The following CTNNA3 variants were observed in gnomAD, a reference collection of about 807,000 sequenced individuals.
The protein encoded by CTNNA3 is catenin alpha 3, also known as catenin alpha-3.
Under a neutral mutation model 95.7 loss-of-function variants are expected in CTNNA3, and 76 were observed. The ratio of observed to expected loss-of-function variants is 0.79; its 90% CI spans 0.66 to 0.96. The LOEUF is 0.96. CTNNA3 is among the 40% of genes least tolerant of loss of function. The pLI is 0.00. For synonymous variants in CTNNA3, 431 were observed against 374.4 expected (o/e 1.15, Z -1.74); for missense variants, 1,191 against 1,089.8 (o/e 1.09, Z -1.31).
intron 1 of CTNNA3, among the ~76,000 whole-genome samples, chr10:67,701,784 T>A (rs1208308520): frequency 4.0e-5 from 6 of 151,478 alleles, no homozygotes; most frequent in Non-Finnish European, 1.5e-5. Context: ...AATATTAACT[T>A]TAAATGTAAA....
rs938508040 is a variant in CTNNA3 at position 67,714,984 on chromosome 10, T to C, written c.-2+48450A>G. Among the ~76,000 whole-genome samples, 15 of 152,322 alleles carry C rather than the reference T, an allele frequency of 9.8e-5. No individual in the cohort carries two copies. In the East Asian group the frequency reaches 2.1e-3, roughly 22 times the overall value. ...CTGGAAGTACAATAAACCTTTCTTT[T>C]GTAAATTGCCCAGTTTCTGGTATGT... On this transcript the variant is annotated intron_variant, in intron 1 of 17. Coordinates refer to the CTNNA3 transcript ENST00000684154.
chr10:66,137,175 CT>C (rs993039352), intron 13 of CTNNA3, among the ~76,000 whole-genome samples: 46 of 151,992 alleles, frequency 3.0e-4, no homozygotes, highest in African/African-American at 8.7e-4. Context: ...CTTCTTGAGA[CT>C]TTTTTTTAGC....
chr10:67,107,669 C>T (rs955415268), intron 7 of CTNNA3, among the ~76,000 whole-genome samples: 4 of 151,804 alleles, frequency 2.6e-5, no homozygotes, highest in African/African-American at 9.7e-5. Flanking sequence ...CTACATTTTA[C>T]AAACAAACAA....
At chr10:67,327,345 C>T (rs1395812036) in intron 5 of CTNNA3, among the ~76,000 whole-genome samples, 2 of 152,210 alleles carry the variant, frequency 1.3e-5, no homozygotes, top group Non-Finnish European at 2.9e-5. Flanking sequence ...TCCTTCTCAT[C>T]TTTGTGGACT....
At chr10:67,490,438 T>C (rs756705462) in intron 5 of CTNNA3, among the ~76,000 whole-genome samples, 17 of 152,180 alleles carry the variant, frequency 1.1e-4, no homozygotes, top group Non-Finnish European at 2.2e-4. Context: ...AGAAAACCTA[T>C]GCTGTCAGCA....
intron 9 of CTNNA3, among the ~76,000 whole-genome samples, chr10:66,655,137 C>T (rs1437883996): frequency 6.6e-6 from 1 of 152,026 alleles, no homozygotes; most frequent in Non-Finnish European, 1.5e-5. Context: ...TGTTAATTAT[C>T]TGGATTCAGC....
intron 9 of CTNNA3, among the ~76,000 whole-genome samples, chr10:66,731,499 G>T (rs147946808): frequency 6.6e-6 from 1 of 151,850 alleles, no homozygotes; most frequent in East Asian, 1.9e-4. Flanking sequence ...ACTCTGGCAC[G>T]TAAGTCTCTC....
At chr10:67,538,998 T>A (rs956781644) in intron 4 of CTNNA3, among the ~76,000 whole-genome samples, 1 of 152,216 alleles carries the variant, frequency 6.6e-6, no homozygotes, top group African/African-American at 2.4e-5. Context: ...TCATATTAAA[T>A]ACATGTCTAC....
intron 5 of CTNNA3, among the ~76,000 whole-genome samples, chr10:67,302,537 T>C (rs1840370646): frequency 6.6e-6 from 1 of 152,182 alleles, no homozygotes; most frequent in South Asian, 2.1e-4. Flanking sequence ...ACAATAAATA[T>C]AAACAATTGT....
In CTNNA3 at chr10:65,920,544, G is replaced by T. The variant is rs1414254414; in HGVS notation, c.2474C>A (p.Ser825Tyr). The T allele has an allele frequency of 6.2e-7, 1 of 1,614,028 alleles. No homozygotes were observed. The highest frequency in any genetic ancestry group is 1.7e-5 in the Admixed American group (1 of 59,994). ...GATGATCTTGGTTGAGGCAATGTAA[G>T]ACATTTTCACTGTTTGCACTACAGC... ...MNAVVQTVKM[S>Y]YIASTKIIRI... The change falls in exon 18 of 18, where the codon TCT becomes TAT. Residue 825 changes from serine (S) to tyrosine (Y), a missense_variant. Physicochemically the swap from Ser to Tyr is moderately radical, Grantham distance 144. Transcript: ENST00000433211.
At chr10:66,794,905 TGA>T (rs1011141956) in intron 7 of CTNNA3, among the ~76,000 whole-genome samples, 17 of 152,106 alleles carry the variant, frequency 1.1e-4, no homozygotes, top group Non-Finnish European at 5.9e-5. Flanking sequence ...TGTTCATTCA[TGA>T]GAAGCAACTC....
intron 13 of CTNNA3, among the ~76,000 whole-genome samples, chr10:66,157,833 T>C (rs1403999875): frequency 6.6e-6 from 1 of 151,994 alleles, no homozygotes; most frequent in African/African-American, 2.4e-5. Context: ...CAACATCTAC[T>C]GTTTTTTTTA....
At chr10:67,322,753 T>A (rs1841379235) in intron 5 of CTNNA3, among the ~76,000 whole-genome samples, 1 of 152,222 alleles carries the variant, frequency 6.6e-6, no homozygotes, top group Admixed American at 6.5e-5. Context: ...TTTGAATTGC[T>A]GGATCAAATG....
chr10:66,063,669 A>T (rs533681569), intron 15 of CTNNA3, among the ~76,000 whole-genome samples: 18 of 152,026 alleles, frequency 1.2e-4, no homozygotes, highest in Non-Finnish European at 2.2e-4. Flanking sequence ...GGTATGATTT[A>T]TAATGCTATT....
At chr10:66,664,397 G>A (rs992528639) in intron 9 of CTNNA3, among the ~76,000 whole-genome samples, 6 of 151,998 alleles carry the variant, frequency 3.9e-5, no homozygotes, top group Non-Finnish European at 7.4e-5. Context: ...TTTAGGAAAC[G>A]TTTGGAGCTC....
intron 13 of CTNNA3, among the ~76,000 whole-genome samples, chr10:66,172,287 T>C (rs1184272925): frequency 2.0e-5 from 3 of 152,150 alleles, no homozygotes; most frequent in African/African-American, 7.2e-5. Flanking sequence ...ATTTATGTAA[T>C]GATCTTTTCA....
At chr10:67,640,166 C>G (rs1839478242) in intron 2 of CTNNA3, among the ~76,000 whole-genome samples, 1 of 152,174 alleles carries the variant, frequency 6.6e-6, no homozygotes, top group Non-Finnish European at 1.5e-5. Context: ...TCTCAGGATA[C>G]AAAATCAATG....
chr10:66,539,069 T>A (rs1044554147), intron 10 of CTNNA3, among the ~76,000 whole-genome samples: 3 of 152,120 alleles, frequency 2.0e-5, no homozygotes, highest in African/African-American at 7.2e-5. Context: ...CTCATAGAGT[T>A]GTTTAAAACC....
intron 9 of CTNNA3, among the ~76,000 whole-genome samples, chr10:66,710,910 C>A (rs1357261707): frequency 3.3e-5 from 5 of 151,982 alleles, no homozygotes; most frequent in Non-Finnish European, 7.4e-5. Context: ...AATACCACCT[C>A]TTTATTCATT....
Sources: gnomAD v4.1 joint callset for allele counts (sites outside exome capture counted in the v4.1 genomes callset) on GRCh38, gnomAD v4.1.1 for gene constraint, MANE v1.5 for transcripts, NCBI Gene and HGNC (gene_info 2026-07-23, HGNC 2026-07-21) for gene names.